HYDIN: variants seen among roughly 807,000 people sequenced by gnomAD.
HYDIN encodes the protein axonemal central pair apparatus protein HYDIN.
HYDIN carries 132 observed loss-of-function variants against 403.9 expected under a neutral mutation model. That is an observed-to-expected ratio of 0.33 (90% CI 0.28 to 0.38). The LOEUF is 0.38. HYDIN is among the 10% of genes least tolerant of loss of function. The pLI, the probability that HYDIN is intolerant of heterozygous loss-of-function variation, is 1.00. For missense variants in HYDIN, 2,827 were observed against 5,009.5 expected (o/e 0.56, Z 13.15); for synonymous variants, 1,202 against 1,891.7 (o/e 0.64, Z 9.46).
chr16:70,992,637 A>G (rs1326049476), intron 23 of HYDIN, among the ~76,000 whole-genome samples: 1 of 149,398 alleles, frequency 6.7e-6, no homozygotes, highest in Non-Finnish European at 1.5e-5. Context: ...CAGGGCTAAG[A>G]CTCAGCTGAG....
At chr16:70,958,517 T>C (rs906495180) in intron 39 of HYDIN, among the ~76,000 whole-genome samples, 3 of 151,288 alleles carry the variant, frequency 2.0e-5, no homozygotes. Flanking sequence ...CTGACATTCC[T>C]TTTAGTGCAA....
chr16:70,864,570 G>C (rs953963623), intron 67 of HYDIN, among the ~76,000 whole-genome samples: 9 of 125,778 alleles, frequency 7.2e-5, no homozygotes, highest in African/African-American at 2.8e-4. Flanking sequence ...GTGGGACGTA[G>C]AGATTAGATT....
chr16:70,871,147 G>A (rs1374506993), intron 65 of HYDIN, among the ~76,000 whole-genome samples: 2 of 151,758 alleles, frequency 1.3e-5, no homozygotes, highest in Non-Finnish European at 2.9e-5. Context: ...AAATAAAGTG[G>A]TATACCAGCT....
chr16:70,947,654 C>A (rs2143904926), intron 41 of HYDIN, among the ~76,000 whole-genome samples: 1 of 152,176 alleles, frequency 6.6e-6, no homozygotes, highest in East Asian at 1.9e-4. Flanking sequence ...CATTCTTATA[C>A]ACCAATAACA....
chr16:71,194,357 G>A (rs1226456954), intron 1 of HYDIN, among the ~76,000 whole-genome samples: 1 of 152,216 alleles, frequency 6.6e-6, no homozygotes, highest in African/African-American at 2.4e-5. Context: ...GTTGCAGTGA[G>A]CCAAGATCGC....
chr16:71,041,517 TA>T (rs1219534450), intron 18 of HYDIN, among the ~76,000 whole-genome samples: 1 of 151,674 alleles, frequency 6.6e-6, no homozygotes, highest in Non-Finnish European at 1.5e-5. Flanking sequence ...AATGATGCAA[TA>T]AAACTAGCCA....
intron 80 of HYDIN, 66 bp from the exon 81 acceptor site, chr16:70,829,896 T>C (rs2036856901): frequency 1.4e-6 from 2 of 1,431,566 alleles, no homozygotes; most frequent in African/African-American, 1.4e-5. Flanking sequence ...GGGCCAGAAG[T>C]ACAGAATGTG....
intron 58 of HYDIN, among the ~76,000 whole-genome samples, chr16:70,886,212 A>C (rs1386051135): frequency 6.6e-6 from 1 of 151,944 alleles, no homozygotes; most frequent in Non-Finnish European, 1.5e-5. Context: ...TCGTTCTTCA[A>C]TTTTTCTAGA....
chr16:70,948,872 AGT>A (rs1201035219), intron 41 of HYDIN, among the ~76,000 whole-genome samples: 2 of 145,822 alleles, frequency 1.4e-5, no homozygotes, highest in East Asian at 2.1e-4. Flanking sequence ...ACTGTAAACT[AGT>A]TCAACCATTG....
In HYDIN at chr16:70,883,908, A is replaced by G. The variant is rs1434812920; in HGVS notation, c.9979+12T>C. 1 of 1,612,322 alleles carries G rather than the reference A, an allele frequency of 6.2e-7. No individual in the cohort carries two copies. The highest frequency in any genetic ancestry group is 1.7e-5 in the Admixed American group (1 of 59,944). On this transcript the variant is annotated intron_variant, in intron 59 of 85. Coordinates refer to ENST00000393567, the MANE Select transcript of HYDIN (RefSeq NM_001270974.2). ...CTTTTAAGTGGTGCTGTCCAATGTG[A>G]GTGGTCAGTACCTGGTAGACAGGCT...
At chr16:70,822,212 C>T (rs1293680773) in intron 83 of HYDIN, among the ~76,000 whole-genome samples, 1 of 152,060 alleles carries the variant, frequency 6.6e-6, no homozygotes, top group African/African-American at 2.4e-5. Context: ...CTGTGATTCA[C>T]TGGAGAAGGT....
At chr16:71,189,031 T>A (rs971901224) in intron 1 of HYDIN, among the ~76,000 whole-genome samples, 3 of 152,156 alleles carry the variant, frequency 2.0e-5, no homozygotes, top group African/African-American at 7.2e-5. Context: ...AAGTAAAAAT[T>A]CATGAAAGGA....
intron 18 of HYDIN, among the ~76,000 whole-genome samples, chr16:71,036,988 A>T (rs1172361632): frequency 6.7e-6 from 1 of 148,866 alleles, no homozygotes; most frequent in Admixed American, 6.7e-5. Context: ...TTTCAAAACC[A>T]CAATAGGGCG....
chr16:71,150,402 G>T (rs968016025), intron 7 of HYDIN, among the ~76,000 whole-genome samples: 2 of 150,540 alleles, frequency 1.3e-5, no homozygotes, highest in Non-Finnish European at 3.0e-5. Flanking sequence ...AAAATATAGA[G>T]GTAAAAATGA....
At chr16:70,908,613 T>A in intron 48 of HYDIN, 40 bp downstream of exon 48, 1 of 1,463,826 alleles carries the variant, frequency 6.8e-7, no homozygotes, top group Non-Finnish European at 9.3e-7. Flanking sequence ...AGTGTGGGCT[T>A]TGGCCCAGAT....
intron 13 of HYDIN, among the ~76,000 whole-genome samples, chr16:71,070,275 T>C (rs58199293): frequency 3.5e-5 from 5 of 141,290 alleles, no homozygotes; most frequent in Admixed American, 7.0e-5. Flanking sequence ...TTCTCTCTCC[T>C]TCCTTCCTTC....
At chr16:71,135,234 T>C (rs1337928971) in intron 8 of HYDIN, among the ~76,000 whole-genome samples, 1 of 151,894 alleles carries the variant, frequency 6.6e-6, no homozygotes, top group Non-Finnish European at 1.5e-5. Context: ...TAAAAGAAAA[T>C]GATGCAAGAG....
chr16:70,961,841 G>A, intron 38 of HYDIN, 118 bp downstream of exon 38: 1 of 649,360 alleles, frequency 1.5e-6, no homozygotes, highest in Non-Finnish European at 2.6e-6. Flanking sequence ...TGGTGGGCAG[G>A]GCAGGATGGG....
rs1266457747 is a variant in HYDIN, at chr16:70,892,356, C to T, written c.9417+5G>A. 6.4e-7 allele frequency: 1 copy of T among 1,559,046 alleles called. No homozygotes were observed. Among genetic ancestry groups the T allele is most frequent in the Non-Finnish European group, 8.6e-7 (1 of 1,157,782 alleles). On this transcript the variant is annotated splice_donor_5th_base_variant and intron_variant, in intron 56 of 85. Coordinates refer to ENST00000393567, the MANE Select transcript of HYDIN (RefSeq NM_001270974.2). The stretch of plus-strand genomic sequence containing the variant: ...AGGCAGCCCCTCCCTTTGGAGCTCT[C>T]TTACCTGACAGCGCAGAACAGGCTG...
Sources: allele counts gnomAD v4.1 joint callset (sites outside exome capture counted in the v4.1 genomes callset), GRCh38; gene constraint gnomAD v4.1.1; transcripts MANE v1.5; gene names NCBI Gene and HGNC (gene_info 2026-07-23, HGNC 2026-07-21).